SPATA2: variants seen among roughly 807,000 people sequenced by gnomAD.
SPATA2 encodes the protein spermatogenesis-associated protein 2.
Under a neutral mutation model 35.4 loss-of-function variants are expected in SPATA2, and 8 were observed. The observed-to-expected ratio is 0.23, with a 90% confidence interval of 0.13 to 0.41. The LOEUF (loss-of-function observed/expected upper bound fraction) is 0.41. Ranked by LOEUF, SPATA2 falls within the 10% of genes least tolerant of loss-of-function variation. The pLI is 1.00. For synonymous variants in SPATA2, 293 were observed against 300.9 expected (o/e 0.97, Z 0.27); for missense variants, 650 against 698.7 (o/e 0.93, Z 0.79).
rs1034500311 is a variant in SPATA2 at position 49,904,140 on chromosome 20, T to C, written c.*1479A>G. The C allele has an allele frequency of 4.6e-5, 7 of 152,508 alleles. No homozygotes were observed. Among genetic ancestry groups the C allele is most frequent in the Admixed American group, 1.3e-4 (2 of 15,272 alleles). 9.4% of individuals were successfully genotyped at this position (152,508 alleles called of 1,614,324 possible). On this transcript the variant is annotated 3_prime_UTR_variant, in exon 3 of 3. Transcript: ENST00000289431. Reference sequence around the variant, plus strand: ...ACATTGTGTACATCACAAACAGTTATGGCTAAAATATAGTTAGTTCACAAG... The same window carrying C: ...ACATTGTGTACATCACAAACAGTTACGGCTAAAATATAGTTAGTTCACAAG...
At chr20:49,910,416 C>T (rs1406663452) in intron 1 of SPATA2, among the ~76,000 whole-genome samples, 1 of 152,198 alleles carries the variant, frequency 6.6e-6, no homozygotes, top group South Asian at 2.1e-4. Context: ...TGCTGTACCC[C>T]TAAGTGGACA....
At chr20:49,911,667 T>TA (rs1338174615) in intron 1 of SPATA2, among the ~76,000 whole-genome samples, 355 of 127,584 alleles carry the variant, frequency 2.8e-3, no homozygotes, top group African/African-American at 5.2e-3. Flanking sequence ...ACTCCGTCTC[T>TA]AAAAAAAAAA....
chr20:49,906,735 C>G lies in SPATA2; in HGVS notation c.447G>C (p.Lys149Asn), dbSNP rs1023838904. Reference sequence around the variant, plus strand: ...GGAGGGTCTCCACGAGCTCTCTGAGCTTGTATGCAGTGCCCAGCTCAGGTG... The same window carrying G: ...GGAGGGTCTCCACGAGCTCTCTGAGGTTGTATGCAGTGCCCAGCTCAGGTG... ...GYTPELGTAY[K>N]LRELVETLQV... The change falls in exon 3 of 3, where the codon AAG (lysine) becomes AAC (asparagine). Residue 149 changes from lysine (K) to asparagine (N), a missense_variant. Physicochemically the swap from Lys to Asn is moderately conservative, Grantham distance 94 (BLOSUM62 0). Transcript: ENST00000289431. This position sits in a 1 kb window ranked among gnomAD's most constrained non-coding sequence, Gnocchi z 8.2. 5 of 1,614,098 alleles carry G rather than the reference C, an allele frequency of 3.1e-6. No homozygotes were observed. Among genetic ancestry groups the G allele is most frequent in the Non-Finnish European group, 4.2e-6 (5 of 1,180,048 alleles).
chr20:49,914,383 G>A (rs2090197728), intron 1 of SPATA2, among the ~76,000 whole-genome samples: 2 of 152,012 alleles, frequency 1.3e-5, no homozygotes, highest in African/African-American at 2.4e-5. Context: ...CCCCCTCTCT[G>A]CACAGGCAGA....
At chr20:49,912,645 CAA>C (rs540642753) in intron 1 of SPATA2, among the ~76,000 whole-genome samples, 30 of 152,278 alleles carry the variant, frequency 2.0e-4, no homozygotes, top group African/African-American at 7.0e-4. Flanking sequence ...GCCTTGAACT[CAA>C]AGAGACTGAT....
At chr20:49,912,984 C>T (rs187586320) in intron 1 of SPATA2, among the ~76,000 whole-genome samples, 6 of 151,626 alleles carry the variant, frequency 4.0e-5, no homozygotes, top group African/African-American at 1.4e-4. Flanking sequence ...TGACACCCAC[C>T]TGTAGTCTTA....
chr20:49,910,993 T>C (rs1568909064), intron 1 of SPATA2, among the ~76,000 whole-genome samples: 2 of 152,116 alleles, frequency 1.3e-5, no homozygotes, highest in Non-Finnish European at 1.5e-5. Flanking sequence ...GGCAGGAGGA[T>C]TGCTCAAGGC....
At position 49,905,684 on chromosome 20, in the gene SPATA2, T is replaced by C. The variant is rs2090136550; in HGVS notation, c.1498A>G (p.Lys500Glu). Reference sequence around the variant, plus strand: ...TTCAGCTGGTTGTTGGGCATGAACTTGTGCAGCTCACTCTTTTTGTAGCAG... The same window carrying C: ...TTCAGCTGGTTGTTGGGCATGAACTCGTGCAGCTCACTCTTTTTGTAGCAG... The part of the protein sequence containing the change: ...DPCYKKSELH[K>E]FMPNNQLNYK... Residue 500 changes from lysine to glutamate, a missense_variant, in exon 3 of 3, where the codon AAG becomes GAG. By Grantham distance (56) the Lys-to-Glu change is moderately conservative. Coordinates refer to ENST00000289431, the MANE Select transcript of SPATA2 (RefSeq NM_006038.4). The C allele has an allele frequency of 1.2e-6, 2 of 1,614,212 alleles. No individual in the cohort carries two copies. The highest frequency in any genetic ancestry group is 1.7e-6 in the Non-Finnish European group (2 of 1,180,032).
At chr20:49,909,919 G>A (rs1409906203) in intron 1 of SPATA2, among the ~76,000 whole-genome samples, 1 of 152,228 alleles carries the variant, frequency 6.6e-6, no homozygotes, top group Non-Finnish European at 1.5e-5. Context: ...CGTGGCTACC[G>A]GCCCCTGGAG....
At position 49,906,909 on chromosome 20, in the gene SPATA2, T is replaced by C. The variant is rs1472137611; in HGVS notation, c.337-64A>G. On this transcript the variant is annotated intron_variant, in intron 2 of 2. Coordinates refer to ENST00000289431, the MANE Select transcript of SPATA2 (RefSeq NM_006038.4). This position sits in a 1 kb window ranked among gnomAD's most constrained non-coding sequence, Gnocchi z 8.2. Reference sequence around the variant, plus strand: ...TGTCAGAGACACAAGACAGAGACTATGTCAAAGCAAAGGATGTCCAGCTCT... The same window carrying C: ...TGTCAGAGACACAAGACAGAGACTACGTCAAAGCAAAGGATGTCCAGCTCT... The C allele has an allele frequency of 4.6e-6, 7 of 1,532,398 alleles. No individual in the cohort carries two copies. Among genetic ancestry groups the C allele is most frequent in the African/African-American group, 1.4e-5 (1 of 72,376 alleles). 94.9% of individuals were successfully genotyped at this position (1,532,398 alleles called of 1,614,324 possible).
rs894179216 is a variant in SPATA2, at chr20:49,904,970, C to G, written c.*649G>C. The G allele has an allele frequency of 6.5e-6, 1 of 153,032 alleles. No homozygotes were observed. Among genetic ancestry groups the G allele is most frequent in the African/African-American group, 2.4e-5 (1 of 41,436 alleles). 9.5% of individuals were successfully genotyped at this position (153,032 alleles called of 1,614,324 possible). A position where few individuals can be genotyped will look rare whatever the true frequency, so the allele number is the denominator to read the frequency against. ...CATCAGTGTGTTGGAGCAAAGTTCA[C>G]GAAGGCCATGGGCTGACTGAGCTGT... On this transcript the variant is annotated 3_prime_UTR_variant, in exon 3 of 3. Coordinates refer to ENST00000289431, the MANE Select transcript of SPATA2 (RefSeq NM_006038.4).
rs1447810337 is a variant in SPATA2 at position 49,903,418 on chromosome 20, ATTATTT to A, written c.*2195_*2200del. On this transcript the variant is annotated 3_prime_UTR_variant, in exon 3 of 3. Transcript: ENST00000289431. ...TAACAATGGAAGACACTTTATTATT[ATTATTT>A]TTAATCATCTCTCAACATTTCAACT... 1 of 151,962 alleles carries A rather than the reference ATTATTT, an allele frequency of 6.6e-6. No homozygotes were observed. The highest frequency in any genetic ancestry group is 1.5e-5 in the Non-Finnish European group (1 of 68,026). The allele number at this position is 151,962 out of a possible 1,614,324, so 9.4% of individuals were successfully genotyped here.
In SPATA2 at chr20:49,903,898, GATAGAT is replaced by G. The variant is rs1400663074; in HGVS notation, c.*1715_*1720del. 946 of 85,990 alleles carry G rather than the reference GATAGAT, an allele frequency of 0.011. 52 individuals are homozygous for G. Among genetic ancestry groups the G allele is most frequent in the Middle Eastern group, 0.02 (3 of 152 alleles). The allele number at this position is 85,990 out of a possible 1,614,324, so 5.3% of individuals were successfully genotyped here. On this transcript the variant is annotated 3_prime_UTR_variant, in exon 3 of 3. Coordinates refer to ENST00000289431, the MANE Select transcript of SPATA2 (RefSeq NM_006038.4). ...CTGTACATCTACATGTGATCTACCA[GATAGAT>G]ATATATATATATATATATATATATA...
chr20:49,908,001 G>C (rs980634548), intron 2 of SPATA2, among the ~76,000 whole-genome samples, 154 bp downstream of exon 2: 1 of 152,236 alleles, frequency 6.6e-6, no homozygotes, highest in African/African-American at 2.4e-5. Context: ...AAACGGTTCA[G>C]AGGTGATGCT....
intron 1 of SPATA2, among the ~76,000 whole-genome samples, chr20:49,911,102 C>T (rs961080028): frequency 1.3e-5 from 2 of 152,150 alleles, no homozygotes; most frequent in African/African-American, 4.8e-5. Context: ...GGAAGATTCT[C>T]ATCATTCAGG....
intron 2 of SPATA2, among the ~76,000 whole-genome samples, chr20:49,907,095 C>T (rs1411713748): frequency 6.6e-6 from 1 of 152,210 alleles, no homozygotes; most frequent in Admixed American, 6.5e-5. Flanking sequence ...GAGTCTCGCT[C>T]TTTTGCCCAG....
In SPATA2 at chr20:49,906,961, G is replaced by A; in HGVS notation, c.337-116C>T. The A allele has an allele frequency of 1.7e-6, 2 of 1,174,444 alleles. No homozygotes were observed. Among genetic ancestry groups the A allele is most frequent in the Non-Finnish European group, 2.4e-6 (2 of 843,098 alleles). 72.8% of individuals were successfully genotyped at this position (1,174,444 alleles called of 1,614,324 possible). A position where few individuals can be genotyped will look rare whatever the true frequency, so the allele number is the denominator to read the frequency against. On this transcript the variant is annotated intron_variant, in intron 2 of 2. Transcript: ENST00000289431. The surrounding 1 kb of genome is among the most constrained non-coding windows in gnomAD (Gnocchi z 8.2). ...AAGTGGGGCGGCGGGGAGAGGGCAG[G>A]GCAGGGAAGGATCTCGACAGCCTCA...
In SPATA2 at chr20:49,912,234, G is replaced by A. The variant is rs1378813281; in HGVS notation, c.-103+3146C>T. Among the ~76,000 whole-genome samples, 10 of 152,244 alleles carry A rather than the reference G, an allele frequency of 6.6e-5. No homozygotes were observed. In the South Asian group the frequency reaches 1.0e-3, roughly 16 times the overall value. The stretch of plus-strand genomic sequence containing the variant: ...TCTGGGAGGCCAAGGTGGGTGGATC[G>A]CCTGAGATTGGGAGTTTGAGACTAG... On this transcript the variant is annotated intron_variant, in intron 1 of 2. Transcript: ENST00000289431.
At position 49,906,319 on chromosome 20, in the gene SPATA2, T is replaced by G; in HGVS notation, c.863A>C (p.Lys288Thr). The G allele has an allele frequency of 6.2e-7, 1 of 1,603,516 alleles. No homozygotes were observed. The highest frequency in any genetic ancestry group is 8.5e-7 in the Non-Finnish European group (1 of 1,174,002). The change falls in exon 3 of 3, where the codon AAG becomes ACG. Residue 288 changes from lysine (K) to threonine (T), a missense_variant. Transcript: ENST00000289431. This position sits in a 1 kb window ranked among gnomAD's most constrained non-coding sequence, Gnocchi z 8.2. ...AGGGGATGGGCGGATGATCTCATCC[T>G]TGAGGTCGTCCCCCACATCCGTTGC... ...PVATDVGDDL[K>T]DEIIRPSPSL...
Sources: allele counts gnomAD v4.1 joint callset (sites outside exome capture counted in the v4.1 genomes callset), GRCh38; gene constraint gnomAD v4.1.1; non-coding constraint Gnocchi (gnomAD v3.1); transcripts MANE v1.5; gene names NCBI Gene and HGNC (gene_info 2026-07-23, HGNC 2026-07-21).